The following ADGB variants were observed in gnomAD, a reference collection of about 807,000 sequenced individuals.
The protein encoded by ADGB is androglobin.
A neutral mutation model predicts 210.5 loss-of-function variants in ADGB; 172 were observed. The observed-to-expected ratio is 0.82, with a 90% CI of 0.72 to 0.93. The LOEUF (loss-of-function observed/expected upper bound fraction) is 0.93, where lower values mean the gene tolerates loss of function less well. Ranked by LOEUF, ADGB falls within the 40% of genes least tolerant of loss-of-function variation. ADGB has a pLI of 0.00. For synonymous variants in ADGB, 658 were observed against 662.7 expected (o/e 0.99, Z 0.11); for missense variants, 2,025 against 1,964.8 (o/e 1.03, Z -0.58).
intron 1 of ADGB, among the ~76,000 whole-genome samples, chr6:146,601,186 T>TA (rs1319354477): frequency 6.6e-6 from 1 of 152,188 alleles, no homozygotes; most frequent in Non-Finnish European, 1.5e-5. Flanking sequence ...TCCCCACTGG[T>TA]AAGATGCAAA....
At chr6:146,672,717 G>A (rs1359861848) in intron 8 of ADGB, among the ~76,000 whole-genome samples, 1 of 130,690 alleles carries the variant, frequency 7.7e-6, no homozygotes, top group Non-Finnish European at 1.5e-5. Flanking sequence ...TTTGTTTTCA[G>A]TTTTTCTTTC....
rs147244805 is a variant in ADGB, at chr6:146,748,557, G to C, written c.3365+2448G>C. ...CGTCTATCTCTGCCAACATCTTCAC[G>C]TGGTATCTTCCCCTGTGTGCCTCTG... On this transcript the variant is annotated intron_variant, in intron 26 of 35. Transcript: ENST00000397944. Among the ~76,000 whole-genome samples, 88 of 152,142 alleles carry C rather than the reference G, an allele frequency of 5.8e-4. No homozygotes were observed. In the East Asian group the frequency reaches 7.9e-3, roughly 14 times the overall value.
At chr6:146,675,929 G>A (rs1236989604) in intron 8 of ADGB, among the ~76,000 whole-genome samples, 1 of 152,114 alleles carries the variant, frequency 6.6e-6, no homozygotes, top group East Asian at 1.9e-4. Context: ...AAATCTGAGA[G>A]GGCTCTACAT....
At chr6:146,735,637 T>C (rs1777068586) in intron 22 of ADGB, among the ~76,000 whole-genome samples, 1 of 152,226 alleles carries the variant, frequency 6.6e-6, no homozygotes. Context: ...TGGTAAAATA[T>C]GCTTTTATTG....
Position 146,656,755 on chromosome 6 carries a change from T to C in ADGB, c.403-16T>C. The C allele has an allele frequency of 6.7e-7, 1 of 1,490,952 alleles. No homozygotes were observed. Among genetic ancestry groups the C allele is most frequent in the Non-Finnish European group, 9.0e-7 (1 of 1,114,082 alleles). 92.4% of individuals were successfully genotyped at this position (1,490,952 alleles called of 1,614,324 possible). On this transcript the variant is annotated splice_polypyrimidine_tract_variant and intron_variant, in intron 4 of 35. Transcript: ENST00000397944. ...CTGAAAAATAACCAATTAACCCTAA[T>C]GTTTTTTATCTCTAGCTGATGAGAT...
chr6:146,725,892 G>T (rs1014491757), intron 18 of ADGB, 191 bp from the exon 19 acceptor site: 4 of 435,428 alleles, frequency 9.2e-6, no homozygotes, highest in African/African-American at 7.9e-5. Context: ...TAAGTAAAGC[G>T]TAGATTTCAT....
At chr6:146,697,058 G>C (rs927301239) in intron 12 of ADGB, among the ~76,000 whole-genome samples, 1 of 151,546 alleles carries the variant, frequency 6.6e-6, no homozygotes, top group African/African-American at 2.4e-5. Context: ...CACTCATAGG[G>C]AAAAAAAAGA....
chr6:146,633,035 C>G (rs1030710790), intron 1 of ADGB, among the ~76,000 whole-genome samples: 1 of 152,078 alleles, frequency 6.6e-6, no homozygotes, highest in Non-Finnish European at 1.5e-5. Flanking sequence ...TTCTCCCAAA[C>G]TTCAGAATCT....
intron 23 of ADGB, among the ~76,000 whole-genome samples, chr6:146,737,947 G>A (rs1464909325): frequency 6.6e-6 from 1 of 151,936 alleles, no homozygotes; most frequent in Non-Finnish European, 1.5e-5. Flanking sequence ...CACATTTCTT[G>A]GACAGATAAA....
At chr6:146,621,069 C>T (rs555323060) in intron 1 of ADGB, among the ~76,000 whole-genome samples, 18 of 152,148 alleles carry the variant, frequency 1.2e-4, no homozygotes, top group Non-Finnish European at 2.4e-4. Flanking sequence ...ACTGTTTCCT[C>T]GTGTAGAAAA....
chr6:146,740,499 C>A lies in ADGB; in HGVS notation c.2929C>A (p.Pro977Thr). Reference protein sequence around the residue: ...KSKCKSLESYPCYQDEETKIA... With the variant: ...KSKCKSLESYTCYQDEETKIA... Reference sequence around the variant, plus strand: ...CAAGTGCAAGTCTTTGGAATCTTATCCATGCTATCAAGATGAAGAAACTAA... The same window carrying A: ...CAAGTGCAAGTCTTTGGAATCTTATACATGCTATCAAGATGAAGAAACTAA... Residue 977 changes from proline to threonine, a missense_variant, in exon 24 of 36, where the codon CCA (proline) becomes ACA (threonine). By Grantham distance (38) the Pro-to-Thr change is conservative. Transcript: ENST00000397944. 6.5e-7 allele frequency: 1 copy of A among 1,547,962 alleles called. No individual in the cohort carries two copies. The highest frequency in any genetic ancestry group is 8.7e-7 in the Non-Finnish European group (1 of 1,144,406).
intron 9 of ADGB, among the ~76,000 whole-genome samples, chr6:146,680,032 C>G (rs1776136695): frequency 6.6e-6 from 1 of 152,110 alleles, no homozygotes; most frequent in Admixed American, 6.6e-5. Flanking sequence ...TAGAATATGA[C>G]TCAGTGGAAT....
At chr6:146,633,656 T>G (rs1351841500) in intron 1 of ADGB, among the ~76,000 whole-genome samples, 5 of 152,128 alleles carry the variant, frequency 3.3e-5, no homozygotes. Context: ...CACTTTCTTT[T>G]ATTATTTAAA....
At chr6:146,600,926 G>GCA (rs35082520) in intron 1 of ADGB, among the ~76,000 whole-genome samples, 1,920 of 144,508 alleles carry the variant, frequency 0.013, 19 homozygotes, top group African/African-American at 0.03. Context: ...TCCCCCATGC[G>GCA]CACACACACA....
intron 9 of ADGB, among the ~76,000 whole-genome samples, chr6:146,680,757 G>C (rs1776147109): frequency 6.6e-6 from 1 of 152,084 alleles, no homozygotes; most frequent in Admixed American, 6.6e-5. Context: ...AATGAGTTCA[G>C]GGAAGAATTG....
At chr6:146,632,870 A>G (rs1781084160) in intron 1 of ADGB, among the ~76,000 whole-genome samples, 1 of 152,124 alleles carries the variant, frequency 6.6e-6, no homozygotes, top group South Asian at 2.1e-4. Context: ...GGGTCCATTT[A>G]GAATTGTTCT....
At position 146,649,407 on chromosome 6, in the gene ADGB, T is replaced by C. The variant is rs547052836; in HGVS notation, c.330+4542T>C. ...CCAAACTCTGACACCTTAAAATAAC[T>C]AGCAAAGGCAAACAAACATAAAACT... On this transcript the variant is annotated intron_variant, in intron 3 of 35. Transcript: ENST00000397944. Among the ~76,000 whole-genome samples the C allele has an allele frequency of 1.1e-4, 16 of 152,198 alleles. No individual in the cohort carries two copies. In the East Asian group the frequency reaches 2.9e-3, roughly 28 times the overall value.
chr6:146,751,225 G>T (rs1317557401), intron 26 of ADGB, among the ~76,000 whole-genome samples: 2 of 149,988 alleles, frequency 1.3e-5, no homozygotes, highest in African/African-American at 4.9e-5. Flanking sequence ...GTGAGAATAT[G>T]CAGTGTTTGG....
At chr6:146,806,994 T>TGAA (rs1418991485) in intron 35 of ADGB, among the ~76,000 whole-genome samples, 1 of 152,212 alleles carries the variant, frequency 6.6e-6, no homozygotes, top group Non-Finnish European at 1.5e-5. Context: ...TGGAGCTTCA[T>TGAA]CATCAAGTAT....
Sources: gnomAD v4.1 joint callset for allele counts (sites outside exome capture counted in the v4.1 genomes callset) on GRCh38, gnomAD v4.1.1 for gene constraint, MANE v1.5 for transcripts, NCBI Gene and HGNC (gene_info 2026-07-23, HGNC 2026-07-21) for gene names.